Variants in ARNT2 observed in about 807,000 individuals in gnomAD.
ARNT2 encodes aryl hydrocarbon receptor nuclear translocator 2.
ARNT2 carries 36 observed loss-of-function variants against 91.7 expected under a neutral mutation model. That is an observed-to-expected ratio of 0.39 (90% CI 0.30 to 0.52). The LOEUF is 0.52. Ranked by LOEUF, ARNT2 falls within the 20% of genes least tolerant of loss-of-function variation. The pLI, the probability that ARNT2 is intolerant of heterozygous loss-of-function variation, is 0.72. For synonymous variants in ARNT2, 365 were observed against 347.1 expected (o/e 1.05, Z -0.57); for missense variants, 775 against 939.3 (o/e 0.83, Z 2.29).
chr15:80,502,622 A>C (rs1378631304), intron 5 of ARNT2, among the ~76,000 whole-genome samples: 1 of 152,190 alleles, frequency 6.6e-6, no homozygotes, highest in South Asian at 2.1e-4. Flanking sequence ...CTTTGACCCC[A>C]TGCCATGTGG....
Position 80,457,962 on chromosome 15 carries a change from C to A in ARNT2, c.180C>A (p.Pro60=). ...MDFDDEDGEG[P]SKFSRENHSE... ...TCGATGATGAAGATGGTGAAGGCCCCAGTAAATTTTCAAGGTAAGTTTATT... is the reference window on the plus strand; with the variant it reads ...TCGATGATGAAGATGGTGAAGGCCCAAGTAAATTTTCAAGGTAAGTTTATT... Residue 60 remains proline, a synonymous_variant, in exon 3 of 19, where the codon CCC becomes CCA. Transcript: ENST00000303329. 1.2e-6 allele frequency: 2 copies of A among 1,613,874 alleles called. No homozygotes were observed. The highest frequency in any genetic ancestry group is 1.7e-6 in the Non-Finnish European group (2 of 1,179,906).
At chr15:80,524,935 C>T (rs1595998048) in intron 8 of ARNT2, among the ~76,000 whole-genome samples, 1 of 150,510 alleles carries the variant, frequency 6.6e-6, no homozygotes, top group East Asian at 1.9e-4. Context: ...GTCTATAAAA[C>T]ATGCACTTCA....
intron 11 of ARNT2, among the ~76,000 whole-genome samples, chr15:80,557,395 C>A (rs1898211305): frequency 6.6e-6 from 1 of 152,280 alleles, no homozygotes; most frequent in South Asian, 2.1e-4. Context: ...CCAGACTGTC[C>A]CTCCTGCTCC....
intron 1 of ARNT2, among the ~76,000 whole-genome samples, chr15:80,425,039 C>T (rs1265334778): frequency 6.6e-6 from 1 of 152,224 alleles, no homozygotes; most frequent in Non-Finnish European, 1.5e-5. Flanking sequence ...AAAACTATAT[C>T]ATGAACATGC....
At chr15:80,506,004 TC>T (rs1400191977) in intron 5 of ARNT2, among the ~76,000 whole-genome samples, 3 of 142,644 alleles carry the variant, frequency 2.1e-5, no homozygotes, top group African/African-American at 5.3e-5. Context: ...TGGCGCAATC[TC>T]GGCTCACTGA....
At chr15:80,580,657 G>A (rs1898778388) in intron 16 of ARNT2, 108 bp downstream of exon 16, 6 of 1,436,258 alleles carry the variant, frequency 4.2e-6, no homozygotes, top group Non-Finnish European at 2.8e-6. Context: ...CTCCTAGCTG[G>A]AACCAACCAC....
chr15:80,525,243 C>T (rs373890440), intron 8 of ARNT2, among the ~76,000 whole-genome samples: 2 of 152,096 alleles, frequency 1.3e-5, no homozygotes, highest in South Asian at 4.2e-4. Context: ...TTTAGTTGGT[C>T]ATGTTTCTGT....
chr15:80,504,990 C>A (rs773340764), intron 5 of ARNT2, among the ~76,000 whole-genome samples: 3 of 151,998 alleles, frequency 2.0e-5, no homozygotes, highest in Non-Finnish European at 4.4e-5. Context: ...TACTGGTCTG[C>A]GGGACTTGGA....
intron 5 of ARNT2, among the ~76,000 whole-genome samples, chr15:80,476,031 A>G (rs1595979230): frequency 6.6e-6 from 1 of 152,266 alleles, no homozygotes; most frequent in East Asian, 1.9e-4. Flanking sequence ...TGTCAGATAA[A>G]AGCAAAAATA....
At chr15:80,498,230 CT>C (rs1897145867) in intron 5 of ARNT2, among the ~76,000 whole-genome samples, 1 of 152,192 alleles carries the variant, frequency 6.6e-6, no homozygotes, top group Non-Finnish European at 1.5e-5. Context: ...CGATTTTTTT[CT>C]GAGGGGCTGT....
At chr15:80,533,669 A>C (rs1897777393) in intron 8 of ARNT2, among the ~76,000 whole-genome samples, 1 of 152,240 alleles carries the variant, frequency 6.6e-6, no homozygotes, top group South Asian at 2.1e-4. Context: ...ATAACAATGA[A>C]ATTCCACAGC....
At chr15:80,429,251 C>T (rs1445166173) in intron 1 of ARNT2, among the ~76,000 whole-genome samples, 1 of 152,190 alleles carries the variant, frequency 6.6e-6, no homozygotes, top group Non-Finnish European at 1.5e-5. Context: ...GGGCCGTGCT[C>T]TGTGCAGGAT....
intron 12 of ARNT2, among the ~76,000 whole-genome samples, chr15:80,565,792 T>C (rs1189090873): frequency 6.6e-6 from 1 of 152,222 alleles, no homozygotes; most frequent in Non-Finnish European, 1.5e-5. Flanking sequence ...CTTTGTCAAA[T>C]GCATAGTTGG....
intron 15 of ARNT2, among the ~76,000 whole-genome samples, chr15:80,578,904 A>G (rs1898737293): frequency 6.6e-6 from 1 of 152,186 alleles, no homozygotes; most frequent in African/African-American, 2.4e-5. Flanking sequence ...CTGTGGGATG[A>G]AGGACTCTGG....
intron 17 of ARNT2, 127 bp downstream of exon 17, chr15:80,581,531 C>A: frequency 1.6e-6 from 2 of 1,225,274 alleles, no homozygotes; most frequent in East Asian, 2.5e-5. Flanking sequence ...TTTCCAAGCA[C>A]CTCCTCTCTC....
chr15:80,543,094 C>CAAAAAAAA (rs368917679), intron 8 of ARNT2, among the ~76,000 whole-genome samples: 3 of 86,716 alleles, frequency 3.5e-5, no homozygotes, highest in Non-Finnish European at 4.8e-5. Flanking sequence ...CAGACCCGGT[C>CAAAAAAAA]AAAAAAAAAA....
chr15:80,515,488 G>A (rs951287402), intron 8 of ARNT2, among the ~76,000 whole-genome samples: 4 of 152,064 alleles, frequency 2.6e-5, no homozygotes, highest in African/African-American at 4.8e-5. Flanking sequence ...AGACACAAAA[G>A]GCCACATATT....
At chr15:80,543,051 C>T (rs184081922) in intron 8 of ARNT2, among the ~76,000 whole-genome samples, 142 of 143,734 alleles carry the variant, frequency 9.9e-4, no homozygotes, top group Admixed American at 1.8e-3. Context: ...GAACCAAGAT[C>T]GCGCCACTGC....
At chr15:80,428,482 A>G (rs1895962603) in intron 1 of ARNT2, among the ~76,000 whole-genome samples, 1 of 152,178 alleles carries the variant, frequency 6.6e-6, no homozygotes, top group Non-Finnish European at 1.5e-5. Context: ...CTTACACAGT[A>G]ATTGTGCAGG....
Sources: gnomAD v4.1 joint callset for allele counts (sites outside exome capture counted in the v4.1 genomes callset) on GRCh38, gnomAD v4.1.1 for gene constraint, MANE v1.5 for transcripts, NCBI Gene and HGNC (gene_info 2026-07-23, HGNC 2026-07-21) for gene names.